The following MYL10 variants were observed in gnomAD, a reference collection of about 807,000 sequenced individuals.
The protein encoded by MYL10 is myosin regulatory light chain 10.
MYL10 carries 18 observed loss-of-function variants against 21.9 expected under a neutral mutation model. The observed-to-expected ratio is 0.82, with a 90% CI of 0.57 to 1.22. The LOEUF (loss-of-function observed/expected upper bound fraction) is 1.22. Among genes scored for constraint, MYL10 ranks in the 50% most tolerant of loss-of-function variants. The pLI is 0.00. For missense variants in MYL10, 225 were observed against 230.4 expected, an observed-to-expected ratio of 0.98 and a Z score of 0.15; for synonymous variants, 88 against 82.8, an observed-to-expected ratio of 1.06 and a Z score of -0.34.
intron 5 of MYL10, among the ~76,000 whole-genome samples, chr7:101,618,008 C>T (rs148404785): frequency 6.6e-5 from 10 of 152,340 alleles, no homozygotes; most frequent in African/African-American, 2.4e-4. Context: ...TCATCTGTGC[C>T]TCTCCCATCA....
chr7:101,625,771 C>T (rs918321170), intron 1 of MYL10, among the ~76,000 whole-genome samples: 1 of 152,224 alleles, frequency 6.6e-6, no homozygotes, highest in African/African-American at 2.4e-5. Context: ...AAAAGAACTT[C>T]CCCACAGAGT....
At position 101,613,571 on chromosome 7, in the gene MYL10, G is replaced by C; in HGVS notation, c.585C>G (p.Val195=). 1 of 1,614,080 alleles carries C rather than the reference G, an allele frequency of 6.2e-7. No individual in the cohort carries two copies. Among genetic ancestry groups the C allele is most frequent in the Non-Finnish European group, 8.5e-7 (1 of 1,179,948 alleles). The change falls in exon 8 of 8, where the codon GTC becomes GTG. Residue 195 remains valine, a splice_region_variant and synonymous_variant. Transcript: ENST00000223167. The part of the protein sequence containing the change: ...TQADRFSEEE[V]KQMFAAFPPD... ...GGGGAAATGCTGCAAACATCTGCTT[G>C]ACCTGAGAAGGAGCAGAGAGTCAGC...
In MYL10 at chr7:101,624,211, G is replaced by T. The variant is rs1347684181; in HGVS notation, c.132C>A (p.Phe44Leu). 2.5e-6 allele frequency: 4 copies of T among 1,613,870 alleles called. No individual in the cohort carries two copies. Among genetic ancestry groups the T allele is most frequent in the Non-Finnish European group, 2.5e-6 (3 of 1,179,890 alleles). Residue 44 changes from phenylalanine (F) to leucine (L), a missense_variant, in exon 2 of 8, where the codon TTC becomes TTA. Coordinates refer to ENST00000223167, the MANE Select transcript of MYL10 (RefSeq NM_138403.5). ...RAEGTASSNV[F>L]SMFDQSQIQE... ...GGATCTGGGACTGATCAAACATGGAGAAGACGTTGGAGCTGGCGGTGCCTT... is the reference window on the plus strand; with the variant it reads ...GGATCTGGGACTGATCAAACATGGATAAGACGTTGGAGCTGGCGGTGCCTT...
chr7:101,624,207 T>A lies in MYL10; in HGVS notation c.136A>T (p.Met46Leu). The change falls in exon 2 of 8, where the codon ATG becomes TTG. Residue 46 changes from methionine to leucine, a missense_variant. By Grantham distance (15) the Met-to-Leu change is conservative (BLOSUM62 2). Transcript: ENST00000223167. ...EGTASSNVFS[M>L]FDQSQIQEFK... ...TCCTGGATCTGGGACTGATCAAACA[T>A]GGAGAAGACGTTGGAGCTGGCGGTG... 6.2e-7 allele frequency: 1 copy of A among 1,613,656 alleles called. No individual in the cohort carries two copies. Among genetic ancestry groups the A allele is most frequent in the Non-Finnish European group, 8.5e-7 (1 of 1,179,834 alleles).
Position 101,622,200 on chromosome 7 carries a change from C to G in MYL10, c.350G>C (p.Gly117Ala). The part of the protein sequence containing the change: ...EDLRDTFAAL[G>A]RINVKNEELE... ...TTCCTCGTTCTTGACATTGATGCGG[C>G]CTGTGGGAGGTGAGAGGTGGGGGCA... is the stretch of plus-strand genomic sequence containing the variant. Residue 117 changes from glycine to alanine, a missense_variant and splice_region_variant, in exon 5 of 8, where the codon GGC becomes GCC. Transcript: ENST00000223167. 6.2e-7 allele frequency: 1 copy of G among 1,611,510 alleles called. No homozygotes were observed. The highest frequency in any genetic ancestry group is 1.3e-5 in the African/African-American group (1 of 74,976).
At position 101,622,175 on chromosome 7, in the gene MYL10, T is replaced by C. The variant is rs1162747476; in HGVS notation, c.375A>G (p.Glu125=). The change falls in exon 5 of 8, where the codon GAA becomes GAG. Residue 125 remains glutamate (E), a synonymous_variant. Transcript: ENST00000223167. ...GGGCCTCCTTCACCATGGCCTCCAG[T>C]TCCTCGTTCTTGACATTGATGCGGC... is the stretch of plus-strand genomic sequence containing the variant. ...ALGRINVKNE[E]LEAMVKEAPG... 1.2e-6 allele frequency: 2 copies of C among 1,613,032 alleles called. No homozygotes were observed. The highest frequency in any genetic ancestry group is 2.7e-5 in the African/African-American group (2 of 74,990).
Position 101,623,953 on chromosome 7 carries a change from C to T in MYL10, c.240G>A (p.Thr80=), listed in dbSNP as rs530334669. The change falls in exon 3 of 8, where the codon ACG becomes ACA. Residue 80 remains threonine (T), a synonymous_variant. Transcript: ENST00000223167. ...MISAHCNLCL[T]GSSNSPASAS... ...CTGAGGCAGGAGAATTGCTTGAACCCGTGAGGCAGAGGTTGCAGTGAGCCG... is the reference window on the plus strand; with the variant it reads ...CTGAGGCAGGAGAATTGCTTGAACCTGTGAGGCAGAGGTTGCAGTGAGCCG... 3.6e-5 allele frequency: 16 copies of T among 439,198 alleles called. No homozygotes were observed. The highest frequency in any genetic ancestry group is 1.1e-4 in the Admixed American group (3 of 27,244). 27.2% of individuals were successfully genotyped at this position (439,198 alleles called of 1,614,324 possible).
chr7:101,626,865 A>G (rs1796752383), intron 1 of MYL10, among the ~76,000 whole-genome samples: 1 of 152,232 alleles, frequency 6.6e-6, no homozygotes, highest in Admixed American at 6.5e-5. Flanking sequence ...CATGGGATCA[A>G]GAGCAAAGAG....
intron 6 of MYL10, among the ~76,000 whole-genome samples, chr7:101,615,423 G>A (rs939587200): frequency 4.6e-5 from 7 of 151,404 alleles, no homozygotes; most frequent in African/African-American, 1.7e-4. Context: ...CAGACGCAGG[G>A]TCCAGGGGCT....
At chr7:101,616,379 T>C (rs895093441) in intron 5 of MYL10, 81 bp from the exon 6 acceptor site, 5 of 1,151,550 alleles carry the variant, frequency 4.3e-6, no homozygotes, top group Non-Finnish European at 6.5e-6. Flanking sequence ...GGGCAGGGGC[T>C]GGGGCTGGGG....
intron 1 of MYL10, 109 bp from the exon 2 acceptor site, chr7:101,624,373 C>A: frequency 1.3e-6 from 1 of 751,376 alleles, no homozygotes; most frequent in Non-Finnish European, 2.2e-6. Flanking sequence ...CCGCTTTGCC[C>A]TTCCCGGTGC....
chr7:101,623,794 G>A (rs1037079612), intron 3 of MYL10, 126 bp downstream of exon 3: 9 of 182,468 alleles, frequency 4.9e-5, no homozygotes, highest in Non-Finnish European at 8.0e-5. Flanking sequence ...TTGGGAGGCC[G>A]AGGCGGGTGG....
At position 101,617,946 on chromosome 7, in the gene MYL10, C is replaced by A. The variant is rs554421956; in HGVS notation, c.455-1648G>T. ...ATCAGGGCCTCATCTGTTCCTCCCCCATTAGACTGGGTCAGGGCCATCTGT... is the reference window on the plus strand; with the variant it reads ...ATCAGGGCCTCATCTGTTCCTCCCCAATTAGACTGGGTCAGGGCCATCTGT... On this transcript the variant is annotated intron_variant, in intron 5 of 7. Transcript: ENST00000223167. Among the ~76,000 whole-genome samples the A allele has an allele frequency of 1.3e-4, 19 of 151,684 alleles. No homozygotes were observed. In the East Asian group the frequency reaches 3.5e-3, roughly 28 times the overall value.
At chr7:101,619,120 C>T (rs1009918534) in intron 5 of MYL10, among the ~76,000 whole-genome samples, 17 of 152,268 alleles carry the variant, frequency 1.1e-4, no homozygotes, top group South Asian at 8.3e-4. Context: ...GGCCCTCCCA[C>T]TGGCCTTTAA....
intron 6 of MYL10, among the ~76,000 whole-genome samples, chr7:101,615,334 C>A (rs1305226826): frequency 6.6e-6 from 1 of 151,874 alleles, no homozygotes; most frequent in Non-Finnish European, 1.5e-5. Flanking sequence ...GGAGCTGCAA[C>A]CCTCTCCTCT....
At chr7:101,628,902 G>T in intron 1 of MYL10, 139 bp downstream of exon 1, 1 of 366,506 alleles carries the variant, frequency 2.7e-6, no homozygotes, top group Non-Finnish European at 5.3e-6. Context: ...AGAAGGTCAG[G>T]CCATGTCTTA....
chr7:101,619,692 A>G (rs966771533), intron 5 of MYL10, among the ~76,000 whole-genome samples: 1 of 152,052 alleles, frequency 6.6e-6, no homozygotes, highest in Non-Finnish European at 1.5e-5. Flanking sequence ...GATCGAGACC[A>G]TCCTGGCTAA....
At chr7:101,614,929 GC>G (rs1239793475) in intron 6 of MYL10, among the ~76,000 whole-genome samples, 2 of 152,110 alleles carry the variant, frequency 1.3e-5, no homozygotes, top group Non-Finnish European at 2.9e-5. Context: ...CCTGCCCCAG[GC>G]CACCCTCAGG....
intron 5 of MYL10, among the ~76,000 whole-genome samples, chr7:101,617,899 T>C (rs578069058): frequency 6.6e-5 from 10 of 151,870 alleles, no homozygotes; most frequent in African/African-American, 2.2e-4. Context: ...CAGAGCCAAG[T>C]GTGCTTCCCC....
Sources: allele counts gnomAD v4.1 joint callset (sites outside exome capture counted in the v4.1 genomes callset), GRCh38; gene constraint gnomAD v4.1.1; transcripts MANE v1.5; gene names NCBI Gene and HGNC (gene_info 2026-07-23, HGNC 2026-07-21).